Variants in NCAM2 observed in about 807,000 individuals in gnomAD.
The protein encoded by NCAM2 is neural cell adhesion molecule 2.
NCAM2 carries 30 observed loss-of-function variants against 98.1 expected under a neutral mutation model. That is an observed-to-expected ratio of 0.31 (90% CI 0.23 to 0.41). The LOEUF is 0.41. Ranked by LOEUF, NCAM2 falls within the 10% of genes least tolerant of loss-of-function variation. The pLI, the probability that NCAM2 is intolerant of heterozygous loss-of-function variation, is 1.00. For synonymous variants in NCAM2, 368 were observed against 342.4 expected (o/e 1.07, Z -0.83); for missense variants, 867 against 1,005.8 (o/e 0.86, Z 1.87).
chr21:21,228,026 G>A (rs893722967), intron 1 of NCAM2, among the ~76,000 whole-genome samples: 3 of 151,712 alleles, frequency 2.0e-5, no homozygotes, highest in African/African-American at 7.2e-5. Context: ...TCAATCACAG[G>A]TAGGGAGTGG....
intron 5 of NCAM2, among the ~76,000 whole-genome samples, chr21:21,297,881 TTCAC>T (rs1276533593): frequency 1.3e-5 from 2 of 151,832 alleles, no homozygotes; most frequent in African/African-American, 2.4e-5. Context: ...TAAAGAGTGA[TTCAC>T]TAACTGCAGG....
chr21:21,385,969 T>A (rs113496574), intron 9 of NCAM2, among the ~76,000 whole-genome samples: 6 of 152,274 alleles, frequency 3.9e-5, no homozygotes, highest in African/African-American at 1.2e-4. Flanking sequence ...TCCTTAGACA[T>A]AATGGTGATT....
At chr21:21,479,451 G>A (rs796372077) in intron 15 of NCAM2, among the ~76,000 whole-genome samples, 10 of 151,676 alleles carry the variant, frequency 6.6e-5, no homozygotes, top group African/African-American at 2.2e-4. Flanking sequence ...GGGCGTGGTG[G>A]TGGACGCCTG....
intron 1 of NCAM2, among the ~76,000 whole-genome samples, chr21:21,101,041 T>C (rs866036214): frequency 2.0e-5 from 3 of 152,034 alleles, no homozygotes; most frequent in Middle Eastern, 3.4e-3. Context: ...CACACCTGTG[T>C]ATGTAATGTA....
chr21:21,411,069 T>TATATATATATAC lies in NCAM2; in HGVS notation c.1383+609_1383+610insTATATATATACA, dbSNP rs1279301831. Among the ~76,000 whole-genome samples the TATATATATATAC allele has an allele frequency of 1.5e-4, 5 of 32,810 alleles. 1 individual carries two copies. The highest frequency in any genetic ancestry group is 5.5e-4 in the African/African-American group (5 of 9,068). The allele number at this position is 32,810 out of a possible 152,430, so 21.5% of individuals were successfully genotyped here. A position where few individuals can be genotyped will look rare whatever the true frequency, so the allele number is the denominator to read the frequency against. On this transcript the variant is annotated intron_variant, in intron 10 of 17. Coordinates refer to ENST00000400546, the MANE Select transcript of NCAM2 (RefSeq NM_004540.5). The stretch of plus-strand genomic sequence containing the variant: ...ATATGTGTGTGTATATATATATATA[T>TATATATATATAC]ACACACACATATATATATGTGTGTA...
intron 1 of NCAM2, among the ~76,000 whole-genome samples, chr21:21,168,449 TA>T (rs1352881629): frequency 6.6e-6 from 1 of 151,608 alleles, no homozygotes; most frequent in African/African-American, 2.4e-5. Flanking sequence ...TGCTATGCAA[TA>T]AAAAAATAGA....
intron 1 of NCAM2, among the ~76,000 whole-genome samples, chr21:21,152,923 G>A (rs748116133): frequency 7.9e-5 from 12 of 151,940 alleles, no homozygotes; most frequent in Admixed American, 2.0e-4. Flanking sequence ...GTAAAGTTGC[G>A]TATGTGTCTT....
chr21:21,381,175 G>T (rs547636988), intron 9 of NCAM2, among the ~76,000 whole-genome samples: 23 of 152,154 alleles, frequency 1.5e-4, no homozygotes, highest in Non-Finnish European at 2.9e-4. Context: ...TACTTTTTCT[G>T]GGCTACATAC....
At chr21:21,130,513 CTAAA>C (rs1172441159) in intron 1 of NCAM2, among the ~76,000 whole-genome samples, 1 of 151,998 alleles carries the variant, frequency 6.6e-6, no homozygotes, top group African/African-American at 2.4e-5. Flanking sequence ...ATGTAAAAGC[CTAAA>C]TATATTGTAT....
At chr21:21,207,568 T>G (rs1052009203) in intron 1 of NCAM2, among the ~76,000 whole-genome samples, 5 of 152,010 alleles carry the variant, frequency 3.3e-5, no homozygotes, top group Admixed American at 3.3e-4. Context: ...AATAAGGTCC[T>G]GACTATTGGG....
At chr21:21,156,359 G>A (rs1171303160) in intron 1 of NCAM2, among the ~76,000 whole-genome samples, 1 of 151,930 alleles carries the variant, frequency 6.6e-6, no homozygotes, top group Non-Finnish European at 1.5e-5. Flanking sequence ...TATTCAAGAA[G>A]AACAACAATG....
chr21:21,066,060 A>G lies in NCAM2; in HGVS notation c.55+67442A>G, dbSNP rs1344427853. ...TGTTAAGTGCCCCTATGATCAGTGAATGAATTTCAAATTGGAGACACAAGG... is the reference window on the plus strand; with the variant it reads ...TGTTAAGTGCCCCTATGATCAGTGAGTGAATTTCAAATTGGAGACACAAGG... On this transcript the variant is annotated intron_variant, in intron 1 of 17. Coordinates refer to ENST00000400546, the MANE Select transcript of NCAM2 (RefSeq NM_004540.5). Among the ~76,000 whole-genome samples the G allele has an allele frequency of 3.3e-5, 5 of 152,176 alleles. No individual in the cohort carries two copies. In the East Asian group the frequency reaches 9.7e-4, roughly 29 times the overall value.
At chr21:21,481,795 T>C (rs1248763755) in intron 15 of NCAM2, among the ~76,000 whole-genome samples, 1 of 152,182 alleles carries the variant, frequency 6.6e-6, no homozygotes, top group African/African-American at 2.4e-5. Context: ...GAAATATTTA[T>C]TTTATTTGTA....
intron 9 of NCAM2, among the ~76,000 whole-genome samples, chr21:21,409,792 G>A (rs9983139): frequency 1.3e-5 from 2 of 152,030 alleles, no homozygotes; most frequent in Non-Finnish European, 2.9e-5. Context: ...ATATATTTTC[G>A]TGAGTTCTGA....
At chr21:21,104,454 T>G (rs1032810124) in intron 1 of NCAM2, among the ~76,000 whole-genome samples, 1 of 152,200 alleles carries the variant, frequency 6.6e-6, no homozygotes, top group African/African-American at 2.4e-5. Flanking sequence ...TACTTCATAC[T>G]TGTTATCTGC....
At chr21:21,208,454 G>A (rs1189588337) in intron 1 of NCAM2, among the ~76,000 whole-genome samples, 1 of 152,142 alleles carries the variant, frequency 6.6e-6, no homozygotes, top group Non-Finnish European at 1.5e-5. Flanking sequence ...GAGCCCAAGT[G>A]TGCTGACATC....
chr21:21,542,327 A>G lies in NCAM2; in HGVS notation c.*4370A>G, dbSNP rs1025655734. On this transcript the variant is annotated 3_prime_UTR_variant, in exon 18 of 18. Transcript: ENST00000400546. The stretch of plus-strand genomic sequence containing the variant: ...CTCATATAAAGGCAAAGAATTTTAT[A>G]TTATATATAATGCTAAATATTTATT... The G allele has an allele frequency of 1.3e-5, 2 of 151,524 alleles. No individual in the cohort carries two copies. Among genetic ancestry groups the G allele is most frequent in the Non-Finnish European group, 1.5e-5 (1 of 67,740 alleles). The allele number at this position is 151,524 out of a possible 1,614,324, so 9.4% of individuals were successfully genotyped here.
chr21:21,376,553 G>C (rs1046035249), intron 9 of NCAM2, among the ~76,000 whole-genome samples: 1 of 151,700 alleles, frequency 6.6e-6, no homozygotes, highest in Non-Finnish European at 1.5e-5. Flanking sequence ...TTTAGTTATT[G>C]GTTTTAGCTG....
chr21:21,070,769 C>G (rs1419247724), intron 1 of NCAM2, among the ~76,000 whole-genome samples: 3 of 152,134 alleles, frequency 2.0e-5, no homozygotes, highest in Non-Finnish European at 4.4e-5. Flanking sequence ...ATTCAAATAG[C>G]CTTTCCCACC....
Sources: gnomAD v4.1 joint callset for allele counts (sites outside exome capture counted in the v4.1 genomes callset) on GRCh38, gnomAD v4.1.1 for gene constraint, MANE v1.5 for transcripts, NCBI Gene and HGNC (gene_info 2026-07-23, HGNC 2026-07-21) for gene names.